Variants in OGFOD1 observed in about 807,000 individuals in gnomAD.
OGFOD1 encodes prolyl 3-hydroxylase OGFOD1.
Under a neutral mutation model 67.7 loss-of-function variants are expected in OGFOD1, and 54 were observed. That is an observed-to-expected ratio of 0.80 (90% CI 0.64 to 1.00). OGFOD1 has a LOEUF of 1.00. Among genes scored for constraint, OGFOD1 ranks in the 50% least tolerant of loss-of-function variants. OGFOD1 has a pLI of 0.00. For missense variants in OGFOD1, 606 were observed against 646.7 expected (o/e 0.94, Z 0.68); for synonymous variants, 221 against 227.0 (o/e 0.97, Z 0.24).
rs1963266483 is a variant in OGFOD1 at position 56,472,928 on chromosome 16, T to C, written c.1286-1900T>C. Among the ~76,000 whole-genome samples the C allele has an allele frequency of 2.6e-5, 4 of 151,862 alleles. 1 individual carries two copies. The South Asian group carries it at 8.4e-4, about 32-fold the overall frequency. On this transcript the variant is annotated intron_variant, in intron 10 of 12. Coordinates refer to ENST00000566157, the MANE Select transcript of OGFOD1 (RefSeq NM_018233.4). ...CAAAGCAGTTTTGCTTTTTTTGTTTTGGTTTGGTTTGGTTTGGTTTGGAGA... is the reference window on the plus strand; with the variant it reads ...CAAAGCAGTTTTGCTTTTTTTGTTTCGGTTTGGTTTGGTTTGGTTTGGAGA...
intron 3 of OGFOD1, among the ~76,000 whole-genome samples, chr16:56,461,400 A>T (rs1276915191): frequency 6.6e-6 from 1 of 152,212 alleles, no homozygotes; most frequent in Admixed American, 6.5e-5. Context: ...CCCCTTCCCC[A>T]TACCTCACCC....
At chr16:56,455,654 A>C (rs558481169) in intron 2 of OGFOD1, among the ~76,000 whole-genome samples, 2 of 151,936 alleles carry the variant, frequency 1.3e-5, no homozygotes, top group Non-Finnish European at 2.9e-5. Context: ...ACATCTTCCA[A>C]CTCCCATAAC....
chr16:56,458,731 C>T (rs570787971), intron 3 of OGFOD1, 137 bp downstream of exon 3: 12 of 706,870 alleles, frequency 1.7e-5, no homozygotes, highest in Admixed American at 5.3e-5. Context: ...GGAAAGAGAC[C>T]GAGAAATTGA....
At chr16:56,462,092 CAAA>C (rs529147206) in intron 3 of OGFOD1, among the ~76,000 whole-genome samples, 1 of 130,104 alleles carries the variant, frequency 7.7e-6, no homozygotes, top group African/African-American at 2.8e-5. Context: ...GACTCTATCT[CAAA>C]AAAAAAAAAA....
chr16:56,462,668 A>G (rs1411153758), intron 4 of OGFOD1, 34 bp downstream of exon 4: 1 of 1,288,958 alleles, frequency 7.8e-7, no homozygotes, highest in East Asian at 2.3e-5. Context: ...TCTGTAAGAT[A>G]TAAAGGCTTT....
rs747928194 is a variant in OGFOD1 at position 56,475,580 on chromosome 16, A to G, written c.1467+15A>G. On this transcript the variant is annotated intron_variant, in intron 12 of 12. Coordinates refer to ENST00000566157, the MANE Select transcript of OGFOD1 (RefSeq NM_018233.4). ...AAGATGAAGAGGTAAGTTTCTTCTG[A>G]TAGCAAACTATCATTTTTAGTTATT... The G allele has an allele frequency of 3.1e-6, 5 of 1,609,672 alleles. No homozygotes were observed. In the South Asian group the frequency reaches 3.3e-5, roughly 11 times the overall value.
intron 3 of OGFOD1, among the ~76,000 whole-genome samples, chr16:56,460,338 T>G (rs1187150667): frequency 6.6e-6 from 1 of 152,230 alleles, no homozygotes; most frequent in Non-Finnish European, 1.5e-5. Context: ...TAACAAATGC[T>G]AACAATGACA....
chr16:56,465,608 G>A (rs761681259), intron 4 of OGFOD1: 1 of 152,588 alleles, frequency 6.6e-6, no homozygotes, highest in African/African-American at 2.4e-5. Flanking sequence ...AAATTAATAC[G>A]AGCAAGTACA....
intron 2 of OGFOD1, among the ~76,000 whole-genome samples, chr16:56,456,228 TTTCTC>T (rs1249680615): frequency 1.3e-5 from 2 of 152,162 alleles, no homozygotes; most frequent in African/African-American, 4.8e-5. Flanking sequence ...GCTCTCTTGG[TTTCTC>T]TTCTTCCTCA....
intron 10 of OGFOD1, among the ~76,000 whole-genome samples, chr16:56,472,708 T>C (rs1412529232): frequency 6.6e-6 from 1 of 152,252 alleles, no homozygotes; most frequent in Non-Finnish European, 1.5e-5. Context: ...CACTGTTTTT[T>C]TGCTATGTAG....
At chr16:56,472,294 T>C (rs960539522) in intron 10 of OGFOD1, among the ~76,000 whole-genome samples, 1 of 152,302 alleles carries the variant, frequency 6.6e-6, no homozygotes, top group East Asian at 1.9e-4. Context: ...TCTATTCCTT[T>C]TTTGGTTTCA....
At position 56,451,755 on chromosome 16, in the gene OGFOD1, C is replaced by T. The variant is rs1184430225; in HGVS notation, c.143C>T (p.Pro48Leu). Reference sequence around the variant, plus strand: ...GCTGAGGCCTGGAGCCGCAGGACGCCGTTCAGTCACGGTAACCGGGTGCTC... The same window carrying T: ...GCTGAGGCCTGGAGCCGCAGGACGCTGTTCAGTCACGGTAACCGGGTGCTC... ...QVAEAWSRRT[P>L]FSHEVIVMDM... The change falls in exon 1 of 13, where the codon CCG (proline) becomes CTG (leucine). Residue 48 changes from proline (P) to leucine (L), a missense_variant. Physicochemically the swap from Pro to Leu is moderately conservative, Grantham distance 98. Transcript: ENST00000566157. The T allele has an allele frequency of 3.1e-6, 5 of 1,612,566 alleles. No individual in the cohort carries two copies. Among genetic ancestry groups the T allele is most frequent in the Non-Finnish European group, 4.2e-6 (5 of 1,179,862 alleles).
chr16:56,453,490 G>A (rs1238051671), intron 2 of OGFOD1, 82 bp downstream of exon 2: 3 of 1,439,336 alleles, frequency 2.1e-6, no homozygotes, highest in Admixed American at 2.2e-5. Context: ...TAGACTTGAG[G>A]TTTTAGGGTG....
intron 5 of OGFOD1, 113 bp downstream of exon 5, chr16:56,466,381 G>A: frequency 1.5e-6 from 1 of 659,664 alleles, no homozygotes; most frequent in Non-Finnish European, 2.7e-6. Context: ...CAAAGGAAGT[G>A]GAAGCTATTT....
At position 56,451,706 on chromosome 16, in the gene OGFOD1, G is replaced by C. The variant is rs750028387; in HGVS notation, c.94G>C (p.Glu32Gln). 1 of 1,614,096 alleles carries C rather than the reference G, an allele frequency of 6.2e-7. No individual in the cohort carries two copies. The highest frequency in any genetic ancestry group is 1.1e-5 in the South Asian group (1 of 91,084). ...VMAEFSDAVTEETLKKQVAEA... is the reference protein window; with the variant it reads ...VMAEFSDAVTQETLKKQVAEA... ...GGCGGAGTTTTCGGACGCTGTTACG[G>C]AAGAAACCTTGAAAAAGCAGGTGGC... The change falls in exon 1 of 13, where the codon GAA becomes CAA. Residue 32 changes from glutamate to glutamine, a missense_variant. Coordinates refer to ENST00000566157, the MANE Select transcript of OGFOD1 (RefSeq NM_018233.4).
chr16:56,468,238 C>T lies in OGFOD1; in HGVS notation c.900+220C>T, dbSNP rs1482516168. On this transcript the variant is annotated intron_variant, in intron 8 of 12. Coordinates refer to ENST00000566157, the MANE Select transcript of OGFOD1 (RefSeq NM_018233.4). ...AATCCCTTGGATATTCCCCAGTTCT[C>T]TAGAGTCTTAAACACACACACACAC... Among the ~76,000 whole-genome samples the T allele has an allele frequency of 4.6e-5, 7 of 152,144 alleles. No individual in the cohort carries two copies. The East Asian group carries it at 1.2e-3, about 25-fold the overall frequency.
Position 56,458,560 on chromosome 16 carries a change from A to G in OGFOD1, c.313A>G (p.Lys105Glu). The change falls in exon 3 of 13, where the codon AAG becomes GAG. Residue 105 changes from lysine to glutamate, a missense_variant. Coordinates refer to ENST00000566157, the MANE Select transcript of OGFOD1 (RefSeq NM_018233.4). ...TTTCATGATCAAGTCTGATGATTTG[A>G]AGAAGAGAAGAGAGCCTCACATCTC... Reference protein sequence around the residue: ...LYKFQQSDDLKKRREPHISTL... With the variant: ...LYKFQQSDDLEKRREPHISTL... 6.2e-7 allele frequency: 1 copy of G among 1,613,582 alleles called. No individual in the cohort carries two copies. Among genetic ancestry groups the G allele is most frequent in the Non-Finnish European group, 8.5e-7 (1 of 1,179,532 alleles).
Position 56,474,845 on chromosome 16 carries a change from T to C in OGFOD1, c.1303T>C (p.Cys435Arg). The stretch of plus-strand genomic sequence containing the variant: ...TTCCTTAGAATCAAGTGTTCCCATG[T>C]GCCAAGGGGAACTGAGGCATTGGAA... ...ETKKESSVPM[C>R]QGELRHWKTG... The change falls in exon 11 of 13, where the codon TGC (cysteine) becomes CGC (arginine). Residue 435 changes from cysteine (C) to arginine (R), a missense_variant. Transcript: ENST00000566157. 6.2e-7 allele frequency: 1 copy of C among 1,612,318 alleles called. No individual in the cohort carries two copies. The highest frequency in any genetic ancestry group is 8.5e-7 in the Non-Finnish European group (1 of 1,178,948).
chr16:56,456,345 G>A (rs1211841045), intron 2 of OGFOD1, among the ~76,000 whole-genome samples: 2 of 152,024 alleles, frequency 1.3e-5, no homozygotes, highest in Non-Finnish European at 2.9e-5. Flanking sequence ...CCTTCCCTAG[G>A]TACACAGGCT....
Sources: gnomAD v4.1 joint callset for allele counts (sites outside exome capture counted in the v4.1 genomes callset) on GRCh38, gnomAD v4.1.1 for gene constraint, MANE v1.5 for transcripts, NCBI Gene and HGNC (gene_info 2026-07-23, HGNC 2026-07-21) for gene names.